Variants in MARCHF8 observed in about 807,000 individuals in gnomAD.
MARCHF8 encodes the protein membrane associated ring-CH-type finger 8, also known as E3 ubiquitin-protein ligase MARCHF8.
MARCHF8 carries 40 observed loss-of-function variants against 51.6 expected under a neutral mutation model. The observed-to-expected ratio is 0.77, with a 90% CI of 0.60 to 1.01. The LOEUF is 1.01. Among genes scored for constraint, MARCHF8 ranks in the 50% least tolerant of loss-of-function variants. The pLI is 0.00. For synonymous variants in MARCHF8, 263 were observed against 280.3 expected, an observed-to-expected ratio of 0.94 and a Z score of 0.62; for missense variants, 685 against 708.6, an observed-to-expected ratio of 0.97 and a Z score of 0.38.
chr10:45,579,462 C>G (rs913595254), intron 1 of MARCHF8, among the ~76,000 whole-genome samples: 1 of 139,922 alleles, frequency 7.1e-6, no homozygotes, highest in East Asian at 2.1e-4. Flanking sequence ...CACTATAACC[C>G]CTCCAAAAGA....
intron 1 of MARCHF8, among the ~76,000 whole-genome samples, chr10:45,564,045 G>A (rs1222077968): frequency 2.0e-5 from 3 of 152,220 alleles, no homozygotes; most frequent in African/African-American, 7.2e-5. Context: ...GGAGGCCGTG[G>A]CAGGTGGATC....
chr10:45,535,771 CACAGAATAACAGTTAA>C (rs1445743634), upstream of MARCHF8, among the ~76,000 whole-genome samples: 5 of 152,240 alleles, frequency 3.3e-5, no homozygotes, highest in Non-Finnish European at 4.4e-5. Context: ...TTAATCTTTA[CACAGAATAACAGTTAA>C]ACCTCAGCAC....
chr10:45,547,453 C>T (rs1197796165), intron 1 of MARCHF8, among the ~76,000 whole-genome samples: 2 of 152,020 alleles, frequency 1.3e-5, no homozygotes, highest in African/African-American at 4.8e-5. Context: ...AAGGTGTCAA[C>T]AAAAAGTTTT....
chr10:45,580,354 G>T (rs1487659588), intron 1 of MARCHF8, among the ~76,000 whole-genome samples: 2 of 152,042 alleles, frequency 1.3e-5, no homozygotes, highest in Non-Finnish European at 2.9e-5. Flanking sequence ...TATAAACAGT[G>T]ACTGTTTGAA....
chr10:45,503,051 G>A (rs577299423), intron 2 of MARCHF8, among the ~76,000 whole-genome samples: 43 of 152,244 alleles, frequency 2.8e-4, no homozygotes, highest in Admixed American at 2.0e-4. Context: ...ATATTTTAGC[G>A]AAGTTTCTAC....
chr10:45,480,528 C>T lies in MARCHF8; in HGVS notation c.153+8839G>A, dbSNP rs2042866871. Among the ~76,000 whole-genome samples, 5 of 152,178 alleles carry T rather than the reference C, an allele frequency of 3.3e-5. No homozygotes were observed. The South Asian group carries it at 8.3e-4, about 25-fold the overall frequency. Reference sequence around the variant, plus strand: ...GTGCCCAGGGCCCCCTTGCTGTGTGCAGCCTAGAGACTCCATGCCCTGCAT... The same window carrying T: ...GTGCCCAGGGCCCCCTTGCTGTGTGTAGCCTAGAGACTCCATGCCCTGCAT... On this transcript the variant is annotated intron_variant, in intron 3 of 7. Coordinates refer to ENST00000453424, the MANE Select transcript of MARCHF8 (RefSeq NM_001282866.2).
chr10:45,584,154 T>C (rs1181045703), intron 1 of MARCHF8, among the ~76,000 whole-genome samples: 1 of 137,030 alleles, frequency 7.3e-6, no homozygotes, highest in Non-Finnish European at 1.5e-5. Context: ...TATATATATA[T>C]ATATATATAT....
intron 1 of MARCHF8, among the ~76,000 whole-genome samples, chr10:45,559,986 C>T (rs887260556): frequency 2.0e-5 from 3 of 152,078 alleles, no homozygotes; most frequent in East Asian, 1.9e-4. Context: ...CCTTCCTCCC[C>T]GCAACACACA....
At chr10:45,575,293 C>T (rs1589190278) in intron 1 of MARCHF8, among the ~76,000 whole-genome samples, 1 of 152,286 alleles carries the variant, frequency 6.6e-6, no homozygotes, top group East Asian at 1.9e-4. Context: ...CACCTACTCC[C>T]CCACTGAAAC....
chr10:45,582,908 A>G (rs1050705407), intron 1 of MARCHF8, among the ~76,000 whole-genome samples: 1 of 152,184 alleles, frequency 6.6e-6, no homozygotes, highest in African/African-American at 2.4e-5. Flanking sequence ...CTAACTAAAT[A>G]TTTCTTATTG....
upstream of MARCHF8, chr10:45,535,418 T>C (rs2043958176): frequency 6.6e-6 from 1 of 152,230 alleles, no homozygotes; most frequent in African/African-American, 2.4e-5. Flanking sequence ...CATTATTACA[T>C]CATTGGTACA....
At chr10:45,560,146 G>A (rs1392497032) in intron 1 of MARCHF8, among the ~76,000 whole-genome samples, 1 of 152,066 alleles carries the variant, frequency 6.6e-6, no homozygotes, top group Admixed American at 6.6e-5. Context: ...TGAGGTGAGA[G>A]GGAGCTGAGA....
chr10:45,464,030 A>G, intron 4 of MARCHF8, 34 bp from the exon 5 acceptor site: 6 of 1,509,300 alleles, frequency 4.0e-6, no homozygotes, highest in Non-Finnish European at 5.3e-6. Flanking sequence ...AAGCACAGAA[A>G]GTAAAAACAA....
Position 45,533,111 on chromosome 10 carries a change from T to G in MARCHF8, c.101A>C (p.Gln34Pro). 6.2e-7 allele frequency: 1 copy of G among 1,600,554 alleles called. No individual in the cohort carries two copies. Among genetic ancestry groups the G allele is most frequent in the Non-Finnish European group, 8.5e-7 (1 of 1,175,636 alleles). Residue 34 changes from glutamine (Q) to proline (P), a missense_variant and splice_region_variant, in exon 2 of 8, where the codon CAG becomes CCG. Coordinates refer to ENST00000453424, the MANE Select transcript of MARCHF8 (RefSeq NM_001282866.2). ...SKTKEKEREE[Q>P]NEKTLGHFMS... The stretch of plus-strand genomic sequence containing the variant: ...CTAAAAAAGATACTCTCCCAGTACC[T>G]GTTCTTCCCTCTCCTTTTCTTTGGT...
At chr10:45,586,664 C>A (rs1187010179) in intron 1 of MARCHF8, among the ~76,000 whole-genome samples, 1 of 151,978 alleles carries the variant, frequency 6.6e-6, no homozygotes. Context: ...TCATTTTGAC[C>A]CTTCTTGTAG....
At chr10:45,577,197 G>C (rs536645195) in intron 1 of MARCHF8, among the ~76,000 whole-genome samples, 2 of 151,938 alleles carry the variant, frequency 1.3e-5, no homozygotes, top group South Asian at 2.1e-4. Context: ...AACATAGACA[G>C]TAGAAGGATG....
intron 1 of MARCHF8, among the ~76,000 whole-genome samples, chr10:45,557,122 T>G (rs889291131): frequency 2.2e-5 from 3 of 137,626 alleles, no homozygotes; most frequent in Non-Finnish European, 4.7e-5. Context: ...TATTCTTTTT[T>G]TTTTTTTTTT....
intron 2 of MARCHF8, among the ~76,000 whole-genome samples, chr10:45,509,395 A>G (rs898545623): frequency 1.3e-5 from 2 of 152,218 alleles, no homozygotes; most frequent in African/African-American, 4.8e-5. Context: ...CTGCTTTTGT[A>G]TACTGAAATG....
At chr10:45,588,525 T>C (rs893948891) in intron 1 of MARCHF8, among the ~76,000 whole-genome samples, 2 of 152,230 alleles carry the variant, frequency 1.3e-5, no homozygotes, top group African/African-American at 4.8e-5. Context: ...TGTCTTAAAA[T>C]TGCCTGTTTT....
Sources: gnomAD v4.1 joint callset for allele counts (sites outside exome capture counted in the v4.1 genomes callset) on GRCh38, gnomAD v4.1.1 for gene constraint, MANE v1.5 for transcripts, NCBI Gene and HGNC (gene_info 2026-07-23, HGNC 2026-07-21) for gene names.